Variants in ATP1B2 observed in about 807,000 individuals in gnomAD.
The protein encoded by ATP1B2 is ATPase Na+/K+ transporting subunit beta 2.
ATP1B2 carries 12 observed loss-of-function variants against 37.3 expected under a neutral mutation model. That is an observed-to-expected ratio of 0.32 (90% CI 0.21 to 0.52). The LOEUF is 0.52. Among genes scored for constraint, ATP1B2 ranks in the 20% least tolerant of loss-of-function variants. The probability of loss-of-function intolerance (pLI) is 0.96; values close to 1 mark genes in which losing one functional copy is unlikely to be tolerated. For synonymous variants in ATP1B2, 139 were observed against 140.5 expected, an observed-to-expected ratio of 0.99 and a Z score of 0.07; for missense variants, 324 against 391.6, an observed-to-expected ratio of 0.83 and a Z score of 1.46.
chr17:7,654,274 T>C lies in ATP1B2; in HGVS notation c.552+17T>C, dbSNP rs1299628986. On this transcript the variant is annotated intron_variant, in intron 4 of 6. Transcript: ENST00000250111. The surrounding 1 kb of genome is among the most constrained non-coding windows in gnomAD (Gnocchi z 4.9). The stretch of plus-strand genomic sequence containing the variant: ...ATGAACCGGGTATCTATGACCTTGG[T>C]CCCCAGGGTGAATGGAGGAAGGATC... The C allele has an allele frequency of 6.2e-7, 1 of 1,613,064 alleles. No individual in the cohort carries two copies.
chr17:7,653,331 G>A, intron 1 of ATP1B2, 43 bp from the exon 2 acceptor site: 3 of 1,612,578 alleles, frequency 1.9e-6, no homozygotes, highest in Non-Finnish European at 2.5e-6. Flanking sequence ...TGAGGTTATG[G>A]TGGGAACCTT....
At position 7,655,815 on chromosome 17, in the gene ATP1B2, G is replaced by A. The variant is rs532742015; in HGVS notation, c.793G>A (p.Ala265Thr). ...VEVNVECRINAANIATDDERD... is the reference protein window; with the variant it reads ...VEVNVECRINTANIATDDERD... Reference sequence around the variant, plus strand: ...GGTGAATGTAGAATGTCGCATCAACGCCGCCAACATCGCCACAGACGATGA... The same window carrying A: ...GGTGAATGTAGAATGTCGCATCAACACCGCCAACATCGCCACAGACGATGA... The change falls in exon 7 of 7, where the codon GCC (alanine) becomes ACC (threonine). Residue 265 changes from alanine (A) to threonine (T), a missense_variant. Coordinates refer to ENST00000250111, the MANE Select transcript of ATP1B2 (RefSeq NM_001678.5). The surrounding 1 kb of genome is among the most constrained non-coding windows in gnomAD (Gnocchi z 4.4). 18 of 1,613,990 alleles carry A rather than the reference G, an allele frequency of 1.1e-5. No individual in the cohort carries two copies. The highest frequency in any genetic ancestry group is 1.5e-5 in the Non-Finnish European group (18 of 1,180,038).
chr17:7,648,753 G>T (rs2072590540), upstream of ATP1B2, among the ~76,000 whole-genome samples: 1 of 152,060 alleles, frequency 6.6e-6, no homozygotes, highest in Non-Finnish European at 1.5e-5. Flanking sequence ...TCAAAATACA[G>T]CTTTAATTAG....
Position 7,657,283 on chromosome 17 carries a change from A to C in ATP1B2, c.*1388A>C, listed in dbSNP as rs1292053678. The C allele has an allele frequency of 6.6e-6, 1 of 152,154 alleles. No homozygotes were observed. Among genetic ancestry groups the C allele is most frequent in the African/African-American group, 2.4e-5 (1 of 41,392 alleles). The allele number at this position is 152,154 out of a possible 1,614,324, so 9.4% of individuals were successfully genotyped here. ...GCTTCTTTTAGCAAGTTATCAACTA[A>C]TCACTAACTCCTTCCTTTTCCTCTG... On this transcript the variant is annotated 3_prime_UTR_variant, in exon 7 of 7. Transcript: ENST00000250111.
chr17:7,653,009 G>A (rs1045534048), intron 1 of ATP1B2, among the ~76,000 whole-genome samples: 2 of 152,206 alleles, frequency 1.3e-5, no homozygotes, highest in African/African-American at 2.4e-5. Flanking sequence ...GCTTTAAAAG[G>A]CACCATGCTA....
Position 7,651,347 on chromosome 17 carries a change from G to T in ATP1B2, c.-172G>T. Reference sequence around the variant, plus strand: ...CGCCGCGCTGCCAGCACCCCGCAGCGCGTGGTCGTGCACCCCGGAATCTGC... The same window carrying T: ...CGCCGCGCTGCCAGCACCCCGCAGCTCGTGGTCGTGCACCCCGGAATCTGC... On this transcript the variant is annotated 5_prime_UTR_variant, in exon 1 of 7. Transcript: ENST00000250111. 1 of 612,622 alleles carries T rather than the reference G, an allele frequency of 1.6e-6. No homozygotes were observed. Among genetic ancestry groups the T allele is most frequent in the Non-Finnish European group, 2.9e-6 (1 of 346,866 alleles). 37.9% of individuals were successfully genotyped at this position (612,622 alleles called of 1,614,324 possible).
upstream of ATP1B2, among the ~76,000 whole-genome samples, chr17:7,648,358 A>G (rs1328843458): frequency 2.0e-5 from 3 of 152,006 alleles, no homozygotes; most frequent in Non-Finnish European, 4.4e-5. Context: ...TAGGTGGATC[A>G]TTTGAGGTCA....
upstream of ATP1B2, among the ~76,000 whole-genome samples, chr17:7,649,751 G>A (rs1028623168): frequency 2.6e-5 from 4 of 151,916 alleles, no homozygotes; most frequent in Non-Finnish European, 2.9e-5. Flanking sequence ...GTAGGGACGG[G>A]GTTTCACTGT....
upstream of ATP1B2, among the ~76,000 whole-genome samples, chr17:7,647,763 G>A (rs557151480): frequency 6.6e-6 from 1 of 151,456 alleles, no homozygotes; most frequent in Non-Finnish European, 1.5e-5. Flanking sequence ...AAGTTGCAGC[G>A]AGCCAAGATC....
intron 2 of ATP1B2, 141 bp from the exon 3 acceptor site, chr17:7,653,700 C>T (rs1436714284): frequency 6.5e-6 from 8 of 1,223,794 alleles, no homozygotes; most frequent in South Asian, 1.4e-5. Flanking sequence ...CAGATAGCCA[C>T]AGGAGATCAC....
upstream of ATP1B2, among the ~76,000 whole-genome samples, chr17:7,648,097 G>A (rs1011113061): frequency 3.3e-5 from 5 of 151,252 alleles, no homozygotes; most frequent in African/African-American, 9.7e-5. Context: ...AAAATTAGCC[G>A]GGCATGGTGG....
chr17:7,649,943 C>A (rs575238924), upstream of ATP1B2, among the ~76,000 whole-genome samples: 2 of 152,238 alleles, frequency 1.3e-5, no homozygotes, highest in East Asian at 3.9e-4. Context: ...CTGCCCGCCT[C>A]GGCCTCCCAA....
chr17:7,655,371 G>A lies in ATP1B2; in HGVS notation c.610-156G>A. 1.5e-6 allele frequency: 1 copy of A among 666,686 alleles called. No individual in the cohort carries two copies. Among genetic ancestry groups the A allele is most frequent in the Non-Finnish European group, 2.6e-6 (1 of 384,470 alleles). 41.3% of individuals were successfully genotyped at this position (666,686 alleles called of 1,614,324 possible). A position where few individuals can be genotyped will look rare whatever the true frequency, so the allele number is the denominator to read the frequency against. On this transcript the variant is annotated intron_variant, in intron 5 of 6. Transcript: ENST00000250111. The surrounding 1 kb of genome is among the most constrained non-coding windows in gnomAD (Gnocchi z 4.4). ...CCCCTCATCTACACACGCACATGCAGACACACACACACAGACTCACAGCTC... is the reference window on the plus strand; with the variant it reads ...CCCCTCATCTACACACGCACATGCAAACACACACACACAGACTCACAGCTC...
Position 7,655,835 on chromosome 17 carries a change from C to T in ATP1B2, c.813C>T (p.Asp271=), listed in dbSNP as rs775285199. ...TCAACGCCGCCAACATCGCCACAGA[C>T]GATGAGCGAGACAAGTTCGCCGGCC... ...CRINAANIAT[D]DERDKFAGRV... is the part of the protein sequence containing the mutation. The change falls in exon 7 of 7, where the codon GAC becomes GAT. Residue 271 remains aspartate, a synonymous_variant. Coordinates refer to ENST00000250111, the MANE Select transcript of ATP1B2 (RefSeq NM_001678.5). The surrounding 1 kb of genome is among the most constrained non-coding windows in gnomAD (Gnocchi z 4.4). 1.4e-5 allele frequency: 23 copies of T among 1,614,140 alleles called. No individual in the cohort carries two copies. In the East Asian group the frequency reaches 2.0e-4, roughly 14 times the overall value.
In ATP1B2 at chr17:7,651,139, G is replaced by C. The variant is rs957187414; in HGVS notation, c.-380G>C. 9.3e-6 allele frequency: 2 copies of C among 216,028 alleles called. No homozygotes were observed. The highest frequency in any genetic ancestry group is 1.9e-5 in the Non-Finnish European group (2 of 106,458). 13.4% of individuals were successfully genotyped at this position (216,028 alleles called of 1,614,324 possible). A position where few individuals can be genotyped will look rare whatever the true frequency, so the allele number is the denominator to read the frequency against. On this transcript the variant is annotated 5_prime_UTR_variant, in exon 1 of 7. Coordinates refer to ENST00000250111, the MANE Select transcript of ATP1B2 (RefSeq NM_001678.5). ...ACCTCTCTCTGCCTTTTTGTACCCCGCTTTTTTTCTGCGTTCTGCTCGGTT... is the reference window on the plus strand; with the variant it reads ...ACCTCTCTCTGCCTTTTTGTACCCCCCTTTTTTTCTGCGTTCTGCTCGGTT...
At position 7,655,278 on chromosome 17, in the gene ATP1B2, G is replaced by A. The variant is rs7210553; in HGVS notation, c.610-249G>A. ...TGGGGTAAGAACTTGGGGTAGGAGT[G>A]GAGTAGGAGGCTTTCGTGCCATTAG... On this transcript the variant is annotated intron_variant, in intron 5 of 6. Transcript: ENST00000250111. The surrounding 1 kb of genome is among the most constrained non-coding windows in gnomAD (Gnocchi z 4.4). 5,464 of 564,260 alleles carry A rather than the reference G, an allele frequency of 9.7e-3. 214 individuals are homozygous for A. The highest frequency in any genetic ancestry group is 0.091 in the African/African-American group (4,829 of 53,058). The allele number at this position is 564,260 out of a possible 1,614,324, so 35.0% of individuals were successfully genotyped here.
chr17:7,655,647 G>A lies in ATP1B2; in HGVS notation c.708+22G>A. ...CCACGTAAGTCCCAGGGGAGGCCCA[G>A]GCTGATGGCGGGTGCGGGTGGTGAG... On this transcript the variant is annotated intron_variant, in intron 6 of 6. Coordinates refer to ENST00000250111, the MANE Select transcript of ATP1B2 (RefSeq NM_001678.5). The surrounding 1 kb of genome is among the most constrained non-coding windows in gnomAD (Gnocchi z 4.4). The A allele has an allele frequency of 6.2e-7, 1 of 1,614,144 alleles. No individual in the cohort carries two copies. The highest frequency in any genetic ancestry group is 1.1e-5 in the South Asian group (1 of 91,080).
rs115958712 is a variant in ATP1B2 at position 7,654,787 on chromosome 17, C to G, written c.609+103C>G. 1.6e-3 allele frequency: 2,223 copies of G among 1,355,630 alleles called. 17 individuals are homozygous for G. In the African/African-American group the frequency reaches 0.018, roughly 11 times the overall value. 84.0% of individuals were successfully genotyped at this position (1,355,630 alleles called of 1,614,324 possible). ...CCTGTCTCTCCCTATCTTCTTTGCTCCTAGAGGCCCCATCACCATAGAAAC... is the reference window on the plus strand; with the variant it reads ...CCTGTCTCTCCCTATCTTCTTTGCTGCTAGAGGCCCCATCACCATAGAAAC... On this transcript the variant is annotated intron_variant, in intron 5 of 6. Transcript: ENST00000250111. This position sits in a 1 kb window ranked among gnomAD's most constrained non-coding sequence, Gnocchi z 4.9.
Position 7,654,851 on chromosome 17 carries a change from T to G in ATP1B2, c.609+167T>G. 5.6e-6 allele frequency: 4 copies of G among 716,788 alleles called. No individual in the cohort carries two copies. The highest frequency in any genetic ancestry group is 5.4e-5 in the South Asian group (3 of 55,686). 44.4% of individuals were successfully genotyped at this position (716,788 alleles called of 1,614,324 possible). Reference sequence around the variant, plus strand: ...TGGGCTTTTGGGCTCCACTGTAGCTTGAACTCCGAGGGCCCCGCACTCCTC... The same window carrying G: ...TGGGCTTTTGGGCTCCACTGTAGCTGGAACTCCGAGGGCCCCGCACTCCTC... On this transcript the variant is annotated intron_variant, in intron 5 of 6. Coordinates refer to ENST00000250111, the MANE Select transcript of ATP1B2 (RefSeq NM_001678.5). The surrounding 1 kb of genome is among the most constrained non-coding windows in gnomAD (Gnocchi z 4.9).
Sources: allele counts gnomAD v4.1 joint callset (sites outside exome capture counted in the v4.1 genomes callset), GRCh38; gene constraint gnomAD v4.1.1; non-coding constraint Gnocchi (gnomAD v3.1); transcripts MANE v1.5; gene names NCBI Gene and HGNC (gene_info 2026-07-23, HGNC 2026-07-21).